The following ARFGEF2 variants were observed in gnomAD, a reference collection of about 807,000 sequenced individuals.
ARFGEF2 encodes brefeldin A-inhibited guanine nucleotide-exchange protein 2.
Under a neutral mutation model 219.9 loss-of-function variants are expected in ARFGEF2, and 74 were observed. The observed-to-expected ratio is 0.34, with a 90% CI of 0.28 to 0.41. The LOEUF is 0.41. Ranked by LOEUF, ARFGEF2 falls within the 10% of genes least tolerant of loss-of-function variation. The probability of loss-of-function intolerance (pLI) is 1.00; values close to 1 mark genes in which losing one functional copy is unlikely to be tolerated. For synonymous variants in ARFGEF2, 733 were observed against 799.2 expected, an observed-to-expected ratio of 0.92 and a Z score of 1.40; for missense variants, 1,743 against 2,218.3, an observed-to-expected ratio of 0.79 and a Z score of 4.30.
intron 10 of ARFGEF2, among the ~76,000 whole-genome samples, chr20:48,971,924 G>A (rs1310440786): frequency 2.0e-5 from 3 of 152,066 alleles, no homozygotes; most frequent in Admixed American, 6.6e-5. Context: ...TACTGCCCCC[G>A]GATCTTATGT....
In ARFGEF2 at chr20:48,953,869, A is replaced by G. The variant is rs1314948317; in HGVS notation, c.838+79A>G. 4.6e-5 allele frequency: 63 copies of G among 1,360,666 alleles called. 1 individual carries two copies. In the East Asian group the frequency reaches 1.1e-3, roughly 23 times the overall value. 84.3% of individuals were successfully genotyped at this position (1,360,666 alleles called of 1,614,324 possible). On this transcript the variant is annotated intron_variant, in intron 6 of 38. Transcript: ENST00000371917. Reference sequence around the variant, plus strand: ...GTGAGGGGCAGAAGAAGTGTATGTCATAACATCTGAAGGAAACCTCTGATA... The same window carrying G: ...GTGAGGGGCAGAAGAAGTGTATGTCGTAACATCTGAAGGAAACCTCTGATA...
At chr20:48,936,388 G>T (rs1240619723) in intron 1 of ARFGEF2, among the ~76,000 whole-genome samples, 12 of 151,378 alleles carry the variant, frequency 7.9e-5, no homozygotes, top group African/African-American at 1.2e-4. Flanking sequence ...TGGCTGCCGG[G>T]TGGAGATGCT....
intron 18 of ARFGEF2, 39 bp downstream of exon 18, chr20:48,988,701 T>C (rs2091340550): frequency 3.1e-6 from 5 of 1,590,484 alleles, no homozygotes; most frequent in African/African-American, 2.7e-5. Context: ...TAGTTCTAAT[T>C]TTTTAGTGTA....
chr20:48,952,186 T>C, intron 4 of ARFGEF2, among the ~76,000 whole-genome samples: 1 of 137,454 alleles, frequency 7.3e-6, no homozygotes, highest in Non-Finnish European at 1.5e-5. Context: ...GACATAGTCT[T>C]GCTCTGTCGC....
chr20:48,922,042 T>G (rs772021259), intron 1 of ARFGEF2, 32 bp downstream of exon 1: 19 of 1,562,042 alleles, frequency 1.2e-5, no homozygotes, highest in Non-Finnish European at 1.6e-5. Context: ...TGCCCCGCGC[T>G]GGCCTCAGCA....
chr20:49,004,990 G>A (rs542851601), intron 25 of ARFGEF2, 80 bp from the exon 26 acceptor site: 133 of 1,487,058 alleles, frequency 8.9e-5, no homozygotes, highest in Admixed American at 2.7e-4. Context: ...AAGGTAGGCT[G>A]TCCATCTTTG....
intron 1 of ARFGEF2, among the ~76,000 whole-genome samples, chr20:48,930,543 C>T (rs1206498192): frequency 3.9e-5 from 6 of 152,222 alleles, no homozygotes; most frequent in South Asian, 2.1e-4. Flanking sequence ...CTTGACTCTC[C>T]GATTTCTGAC....
intron 1 of ARFGEF2, among the ~76,000 whole-genome samples, chr20:48,925,931 G>A (rs529394352): frequency 6.6e-6 from 1 of 152,226 alleles, no homozygotes; most frequent in Non-Finnish European, 1.5e-5. Context: ...GTAAACATAC[G>A]TATTTTCATA....
chr20:49,025,818 C>A (rs1313263569), intron 36 of ARFGEF2, among the ~76,000 whole-genome samples: 1 of 151,684 alleles, frequency 6.6e-6, no homozygotes, highest in Non-Finnish European at 1.5e-5. Context: ...CCCATCTCTA[C>A]TAAAAATATA....
chr20:49,016,181 C>A, intron 30 of ARFGEF2, 99 bp from the exon 31 acceptor site: 1 of 1,297,974 alleles, frequency 7.7e-7, no homozygotes, highest in Non-Finnish European at 1.1e-6. Context: ...ATACATATCA[C>A]CAAATTGCTT....
intron 6 of ARFGEF2, among the ~76,000 whole-genome samples, chr20:48,956,229 A>C (rs756161111): frequency 6.6e-6 from 1 of 152,196 alleles, no homozygotes; most frequent in South Asian, 2.1e-4. Flanking sequence ...CACATGGCCA[A>C]CCCTAACTGG....
At chr20:48,973,089 G>T (rs1404354818) in intron 11 of ARFGEF2, 56 bp from the exon 12 acceptor site, 1 of 1,608,276 alleles carries the variant, frequency 6.2e-7, no homozygotes, top group Admixed American at 1.7e-5. Context: ...TGTTTGATAA[G>T]AAAACCTAAC....
In ARFGEF2 at chr20:49,033,134, G is replaced by A. The variant is rs2091646960; in HGVS notation, c.5293G>A (p.Val1765Met). The A allele has an allele frequency of 6.2e-7, 1 of 1,614,218 alleles. No homozygotes were observed. Among genetic ancestry groups the A allele is most frequent in the East Asian group, 2.2e-5 (1 of 44,890 alleles). The change falls in exon 39 of 39, where the codon GTG becomes ATG. Residue 1765 changes from valine to methionine, a missense_variant. This residue lies in a region of ARFGEF2 where 578 missense variants were observed against 664.0 expected (regional missense o/e 0.87). Transcript: ENST00000371917. ...LRKFFLRIGV[V>M]YKIWIPEEPS... ...GAAGTTCTTCCTACGGATAGGTGTTGTGTATAAGATATGGATACCAGAAGA... is the reference window on the plus strand; with the variant it reads ...GAAGTTCTTCCTACGGATAGGTGTTATGTATAAGATATGGATACCAGAAGA...
chr20:48,958,862 C>A (rs146667810), intron 6 of ARFGEF2, among the ~76,000 whole-genome samples: 15 of 152,302 alleles, frequency 9.8e-5, no homozygotes, highest in African/African-American at 2.6e-4. Flanking sequence ...GATGGCACCT[C>A]GCATTTGGCC....
rs2091234335 is a variant in ARFGEF2, at chr20:48,972,443, C to T, written c.1525+18C>T. ...CTGTGCAGGTATTTCCACCTGGGGACACTCATCCACTGGACTTCTGATGCT... is the reference window on the plus strand; with the variant it reads ...CTGTGCAGGTATTTCCACCTGGGGATACTCATCCACTGGACTTCTGATGCT... On this transcript the variant is annotated intron_variant, in intron 11 of 38. Coordinates refer to ENST00000371917, the MANE Select transcript of ARFGEF2 (RefSeq NM_006420.3). 8 of 1,558,166 alleles carry T rather than the reference C, an allele frequency of 5.1e-6. No homozygotes were observed. The highest frequency in any genetic ancestry group is 7.1e-6 in the Non-Finnish European group (8 of 1,129,284).
At chr20:48,973,433 G>A (rs1027860656) in intron 12 of ARFGEF2, 149 bp downstream of exon 12, 78 of 878,902 alleles carry the variant, frequency 8.9e-5, no homozygotes, top group Non-Finnish European at 1.2e-4. Flanking sequence ...ATCATGAAAC[G>A]ACATTAAAGA....
intron 12 of ARFGEF2, among the ~76,000 whole-genome samples, chr20:48,973,796 T>TG (rs2091243466): frequency 6.6e-6 from 1 of 152,174 alleles, no homozygotes; most frequent in African/African-American, 2.4e-5. Flanking sequence ...TTTTGGTATA[T>TG]GGGCATTTTT....
At chr20:48,940,672 C>T (rs573543101) in intron 1 of ARFGEF2, among the ~76,000 whole-genome samples, 13 of 152,218 alleles carry the variant, frequency 8.5e-5, no homozygotes, top group Non-Finnish European at 1.8e-4. Flanking sequence ...AGTTACCTAA[C>T]CTCCTGTGCC....
At chr20:48,953,032 C>A in intron 5 of ARFGEF2, 148 bp downstream of exon 5, 1 of 876,130 alleles carries the variant, frequency 1.1e-6, no homozygotes, top group Non-Finnish European at 1.8e-6. Flanking sequence ...TTTGTTCTTG[C>A]TTTAAAAATC....
Sources: gnomAD v4.1 joint callset for allele counts (sites outside exome capture counted in the v4.1 genomes callset) on GRCh38, gnomAD v4.1.1 for gene constraint, gnomAD v4.1.1 regional missense constraint, MANE v1.5 for transcripts, NCBI Gene and HGNC (gene_info 2026-07-23, HGNC 2026-07-21) for gene names.